MSANTD4: variants seen among roughly 807,000 people sequenced by gnomAD.
The protein encoded by MSANTD4 is Myb/SANT DNA binding domain containing 4 with coiled-coils.
Under a neutral mutation model 34.3 loss-of-function variants are expected in MSANTD4, and 13 were observed. The observed-to-expected ratio is 0.38, with a 90% CI of 0.25 to 0.60. The LOEUF (loss-of-function observed/expected upper bound fraction) is 0.60, where lower values mean the gene tolerates loss of function less well. Among genes scored for constraint, MSANTD4 ranks in the 20% least tolerant of loss-of-function variants. The pLI, the probability that MSANTD4 is intolerant of heterozygous loss-of-function variation, is 0.63. For missense variants in MSANTD4, 358 were observed against 401.8 expected, an observed-to-expected ratio of 0.89 and a Z score of 0.93; for synonymous variants, 137 against 145.2, an observed-to-expected ratio of 0.94 and a Z score of 0.41.
At chr11:106,011,419 G>A (rs1234078162) in intron 1 of MSANTD4, among the ~76,000 whole-genome samples, 1 of 152,110 alleles carries the variant, frequency 6.6e-6, no homozygotes, top group Non-Finnish European at 1.5e-5. Context: ...TGTCCACACT[G>A]TTCCTTCTGC....
upstream of MSANTD4, chr11:106,022,248 G>A (rs997470775): frequency 2.6e-5 from 4 of 152,462 alleles, no homozygotes; most frequent in Non-Finnish European, 5.9e-5. Flanking sequence ...TAGGAAAAAA[G>A]ATGCTTCATT....
chr11:106,014,502 C>A (rs1459198771), intron 1 of MSANTD4, among the ~76,000 whole-genome samples: 8 of 152,178 alleles, frequency 5.3e-5, no homozygotes, highest in Admixed American at 3.9e-4. Flanking sequence ...AATAGTTCTA[C>A]TCTAATTCAC....
rs907509644 is a variant in MSANTD4, at chr11:106,010,641, C to A, written c.277G>T (p.Gly93Cys). 12 of 1,614,000 alleles carry A rather than the reference C, an allele frequency of 7.4e-6. No individual in the cohort carries two copies. The highest frequency in any genetic ancestry group is 1.3e-5 in the African/African-American group (1 of 74,916). Residue 93 changes from glycine (G) to cysteine (C), a missense_variant, in exon 2 of 3, where the codon GGT (glycine) becomes TGT (cysteine). Physicochemically the swap from Gly to Cys is radical, Grantham distance 159. This residue lies in a region of MSANTD4 where 312 missense variants were observed against 317.6 expected (regional missense o/e 0.98). Transcript: ENST00000301919. ...KRMKANIKLV[G>C]SGFPLPSSDL... ...GAGGAGGGAAGGGGAAATCCTGAACCAACCAGCTTAATGTTGGCCTTCATC... is the reference window on the plus strand; with the variant it reads ...GAGGAGGGAAGGGGAAATCCTGAACAAACCAGCTTAATGTTGGCCTTCATC...
chr11:106,010,198 T>C, intron 2 of MSANTD4, 88 bp from the exon 3 acceptor site: 1 of 1,327,498 alleles, frequency 7.5e-7, no homozygotes, highest in Non-Finnish European at 1.0e-6. Flanking sequence ...TTCTGCGTCG[T>C]TTGGGGAAAA....
At chr11:106,017,249 C>T (rs940539591) in intron 1 of MSANTD4, among the ~76,000 whole-genome samples, 9 of 152,176 alleles carry the variant, frequency 5.9e-5, no homozygotes, top group Non-Finnish European at 1.3e-4. Flanking sequence ...TGTGTGTGTA[C>T]ATGTTCACAG....
At chr11:106,013,759 G>A (rs957606076) in intron 1 of MSANTD4, among the ~76,000 whole-genome samples, 7 of 152,186 alleles carry the variant, frequency 4.6e-5, no homozygotes, top group Non-Finnish European at 8.8e-5. Context: ...CTACTCAGGA[G>A]GCTGAGGCAT....
At chr11:106,017,116 G>A (rs978209849) in intron 1 of MSANTD4, among the ~76,000 whole-genome samples, 1 of 152,172 alleles carries the variant, frequency 6.6e-6, no homozygotes, top group Non-Finnish European at 1.5e-5. Flanking sequence ...AAACTATTAA[G>A]TCACATAATG....
rs1565385147 is a variant in MSANTD4 at position 106,008,217 on chromosome 11, C to T, written c.*1318G>A. On this transcript the variant is annotated 3_prime_UTR_variant, in exon 3 of 3. Coordinates refer to ENST00000301919, the MANE Select transcript of MSANTD4 (RefSeq NM_032424.3). ...ACTTGGATTGTGGAAAAAGCACCTT[C>T]AGAGAGCTGAAGGAAAATCATCAGG... The T allele has an allele frequency of 6.6e-6, 1 of 152,556 alleles. No individual in the cohort carries two copies. Among genetic ancestry groups the T allele is most frequent in the Non-Finnish European group, 1.5e-5 (1 of 68,028 alleles). 9.5% of individuals were successfully genotyped at this position (152,556 alleles called of 1,614,324 possible).
At chr11:106,014,431 T>C (rs1262803068) in intron 1 of MSANTD4, among the ~76,000 whole-genome samples, 1 of 152,242 alleles carries the variant, frequency 6.6e-6, no homozygotes, top group African/African-American at 2.4e-5. Context: ...GTTTACCTTT[T>C]AACACATGGT....
Position 106,009,766 on chromosome 11 carries a change from G to C in MSANTD4, c.807C>G (p.Val269=). The C allele has an allele frequency of 6.2e-7, 1 of 1,614,178 alleles. No homozygotes were observed. Among genetic ancestry groups the C allele is most frequent in the South Asian group, 1.1e-5 (1 of 91,080 alleles). ...TTTCCAAGGACGGTTTCTCTGAATT[G>C]ACTATCTGTAACCTCAACTTTTCTC... The part of the protein sequence containing the change: ...IEREKLRLQI[V]NSEKPSLENE... The change falls in exon 3 of 3, where the codon GTC becomes GTG. Residue 269 remains valine, a synonymous_variant. Transcript: ENST00000301919.
In MSANTD4 at chr11:106,022,227, C is replaced by G. The variant is rs939614077; in HGVS notation, c.-1416G>C. 9 of 152,612 alleles carry G rather than the reference C, an allele frequency of 5.9e-5. No individual in the cohort carries two copies. The highest frequency in any genetic ancestry group is 1.0e-4 in the Non-Finnish European group (7 of 68,286). The allele number at this position is 152,612 out of a possible 1,614,324, so 9.5% of individuals were successfully genotyped here. ...CCCGGCGGCACCTCCCCACGGTCGC[C>G]CCAAGGGGGGTAGGAAAAAAGATGC... On this transcript the variant is annotated 5_prime_UTR_variant, in exon 1 of 3. Transcript: ENST00000301919.
chr11:106,010,573 A>G lies in MSANTD4; in HGVS notation c.345T>C (p.Ile115=), dbSNP rs768598761. Residue 115 remains isoleucine, a synonymous_variant, in exon 2 of 3, where the codon ATT becomes ATC. Transcript: ENST00000301919. ...DSLTEEIDEK[I]GFRNDANFDW... ...CAAAATTTGCATCATTTCGGAATCCAATCTTTTCATCTATCTCTTCAGTGA... is the reference window on the plus strand; with the variant it reads ...CAAAATTTGCATCATTTCGGAATCCGATCTTTTCATCTATCTCTTCAGTGA... The G allele has an allele frequency of 6.2e-7, 1 of 1,614,156 alleles. No homozygotes were observed. Among genetic ancestry groups the G allele is most frequent in the Non-Finnish European group, 8.5e-7 (1 of 1,180,028 alleles).
chr11:106,015,732 A>C (rs911161255), intron 1 of MSANTD4, among the ~76,000 whole-genome samples: 14 of 152,052 alleles, frequency 9.2e-5, no homozygotes, highest in African/African-American at 3.4e-4. Flanking sequence ...GAGTGGGCAG[A>C]GAGCTGCTTT....
chr11:106,018,740 G>A (rs1223146936), intron 1 of MSANTD4, among the ~76,000 whole-genome samples: 1 of 152,162 alleles, frequency 6.6e-6, no homozygotes, highest in South Asian at 2.1e-4. Context: ...AGAAGAATAT[G>A]CTAGTTGTAG....
At chr11:106,015,463 A>C (rs1200353900) in intron 1 of MSANTD4, among the ~76,000 whole-genome samples, 2 of 152,250 alleles carry the variant, frequency 1.3e-5, no homozygotes, top group Non-Finnish European at 2.9e-5. Flanking sequence ...AAAGGAAACA[A>C]AAATGTCACA....
At position 106,021,375 on chromosome 11, in the gene MSANTD4, G is replaced by C. The variant is rs1194306199; in HGVS notation, c.-564C>G. ...TCACTTACGTAATCCTTGTGAAGATGATGTACTGCCAATGGCATAATATAA... is the reference window on the plus strand; with the variant it reads ...TCACTTACGTAATCCTTGTGAAGATCATGTACTGCCAATGGCATAATATAA... On this transcript the variant is annotated 5_prime_UTR_variant, in exon 1 of 3. It adds an upstream start codon to the 5' untranslated region. Coordinates refer to ENST00000301919, the MANE Select transcript of MSANTD4 (RefSeq NM_032424.3). 6.6e-6 allele frequency: 1 copy of C among 152,166 alleles called. No individual in the cohort carries two copies. The highest frequency in any genetic ancestry group is 1.9e-4 in the East Asian group (1 of 5,188). 9.4% of individuals were successfully genotyped at this position (152,166 alleles called of 1,614,324 possible). A position where few individuals can be genotyped will look rare whatever the true frequency, so the allele number is the denominator to read the frequency against.
At chr11:106,015,707 CTT>C (rs759389399) in intron 1 of MSANTD4, among the ~76,000 whole-genome samples, 9 of 144,466 alleles carry the variant, frequency 6.2e-5, no homozygotes, top group Non-Finnish European at 6.1e-5. Flanking sequence ...CAAATTAGAA[CTT>C]TTTTTTTTTT....
At position 106,010,550 on chromosome 11, in the gene MSANTD4, A is replaced by C. The variant is rs1197384047; in HGVS notation, c.368T>G (p.Phe123Cys). The C allele has an allele frequency of 6.2e-7, 1 of 1,614,174 alleles. No individual in the cohort carries two copies. Among genetic ancestry groups the C allele is most frequent in the Admixed American group, 1.7e-5 (1 of 60,028 alleles). The change falls in exon 2 of 3, where the codon TTT (phenylalanine) becomes TGT (cysteine). Residue 123 changes from phenylalanine (F) to cysteine (C), a missense_variant. Around this residue, in one of 2 missense-constraint regions of MSANTD4, gnomAD observed 312 missense variants for 317.6 expected, o/e 0.98. Transcript: ENST00000301919. The stretch of plus-strand genomic sequence containing the variant: ...GAAATCTGCCACATTTTGCCAGTCA[A>C]AATTTGCATCATTTCGGAATCCAAT... ...EKIGFRNDAN[F>C]DWQNVADFRD...
At chr11:106,013,045 G>A (rs1859740909) in intron 1 of MSANTD4, among the ~76,000 whole-genome samples, 1 of 152,158 alleles carries the variant, frequency 6.6e-6, no homozygotes, top group African/African-American at 2.4e-5. Context: ...ACACAGTATA[G>A]TACATATTGC....
Sources: allele counts gnomAD v4.1 joint callset (sites outside exome capture counted in the v4.1 genomes callset), GRCh38; gene constraint gnomAD v4.1.1; regional missense constraint gnomAD v4.1.1; transcripts MANE v1.5; gene names NCBI Gene and HGNC (gene_info 2026-07-23, HGNC 2026-07-21).